The following UBAP1 variants were observed in gnomAD, a reference collection of about 807,000 sequenced individuals.
UBAP1 encodes ubiquitin associated protein 1, also known as ubiquitin-associated protein 1.
In UBAP1, 5 loss-of-function variants were observed where a neutral mutation model predicts 39.0. The ratio of observed to expected loss-of-function variants is 0.13; its 90% CI spans 0.07 to 0.27. The LOEUF is 0.27. Among genes scored for constraint, UBAP1 ranks in the 10% least tolerant of loss-of-function variants. The pLI is 1.00. For synonymous variants in UBAP1, 211 were observed against 225.1 expected (o/e 0.94, Z 0.56); for missense variants, 490 against 608.1 (o/e 0.81, Z 2.04).
At chr9:34,214,638 G>A (rs1215371087) in intron 1 of UBAP1, among the ~76,000 whole-genome samples, 1 of 152,136 alleles carries the variant, frequency 6.6e-6, no homozygotes, top group Non-Finnish European at 1.5e-5. Flanking sequence ...AAGATAAATA[G>A]CTGGGACCCA....
chr9:34,238,005 T>A (rs1037020760), intron 3 of UBAP1, among the ~76,000 whole-genome samples: 1 of 152,188 alleles, frequency 6.6e-6, no homozygotes, highest in Non-Finnish European at 1.5e-5. Context: ...TAGAAGTCAC[T>A]CCCCACAGCC....
intron 1 of UBAP1, among the ~76,000 whole-genome samples, chr9:34,195,335 T>G (rs1259341670): frequency 6.6e-6 from 1 of 152,102 alleles, no homozygotes; most frequent in Non-Finnish European, 1.5e-5. Flanking sequence ...TCATTTTGAA[T>G]TAATTATATA....
At position 34,241,720 on chromosome 9, in the gene UBAP1, A is replaced by G. The variant is rs1480809701; in HGVS notation, c.695A>G (p.Asn232Ser). Residue 232 changes from asparagine (N) to serine (S), a missense_variant, in exon 4 of 7, where the codon AAT becomes AGT. Asn to Ser is a conservative substitution (Grantham distance 46). Transcript: ENST00000297661. ...GATTTCAAGCCTCTTCATAAACCCA[A>G]TGGCTTTATAACCTTACCACAGTTG... ...TLDFKPLHKP[N>S]GFITLPQLGN... The G allele has an allele frequency of 5.0e-6, 8 of 1,613,828 alleles. No individual in the cohort carries two copies. The highest frequency in any genetic ancestry group is 1.7e-5 in the Admixed American group (1 of 59,966).
intron 1 of UBAP1, among the ~76,000 whole-genome samples, chr9:34,214,811 G>A (rs1832207659): frequency 6.6e-6 from 1 of 152,034 alleles, no homozygotes; most frequent in African/African-American, 2.4e-5. Flanking sequence ...ATCAAAAAGT[G>A]GGCTAAGGAC....
intron 2 of UBAP1, among the ~76,000 whole-genome samples, chr9:34,230,328 T>A (rs2131599955): frequency 6.6e-6 from 1 of 152,328 alleles, no homozygotes; most frequent in South Asian, 2.1e-4. Flanking sequence ...CCTCTCAAAT[T>A]GCTGGGATTA....
intron 1 of UBAP1, among the ~76,000 whole-genome samples, chr9:34,207,287 C>G (rs1485269212): frequency 6.6e-6 from 1 of 151,112 alleles, no homozygotes; most frequent in Non-Finnish European, 1.5e-5. Flanking sequence ...CTTAGGTGAT[C>G]TACCCACCTC....
chr9:34,244,383 T>C (rs1482734486), intron 4 of UBAP1, among the ~76,000 whole-genome samples: 1 of 137,508 alleles, frequency 7.3e-6, no homozygotes, highest in Non-Finnish European at 1.5e-5. Flanking sequence ...TCTCATTCTT[T>C]TTCATGGCTG....
At chr9:34,238,579 G>T (rs565817254) in intron 3 of UBAP1, among the ~76,000 whole-genome samples, 1 of 152,196 alleles carries the variant, frequency 6.6e-6, no homozygotes, top group Non-Finnish European at 1.5e-5. Context: ...TCTCATTGTG[G>T]TTTTTATTTG....
chr9:34,221,533 A>G (rs1348124976), intron 2 of UBAP1, among the ~76,000 whole-genome samples: 1 of 151,446 alleles, frequency 6.6e-6, no homozygotes, highest in Non-Finnish European at 1.5e-5. Flanking sequence ...CCATTAAAAA[A>G]AAAAAAAAAA....
intron 1 of UBAP1, among the ~76,000 whole-genome samples, chr9:34,207,712 C>G (rs527933621): frequency 2.0e-5 from 3 of 150,548 alleles, no homozygotes; most frequent in Admixed American, 2.0e-4. Flanking sequence ...AGGCTGGACT[C>G]GAACTCCTGG....
At chr9:34,224,165 G>T in intron 2 of UBAP1, 2 of 580,398 alleles carry the variant, frequency 3.4e-6, no homozygotes, top group Non-Finnish European at 3.0e-6. Flanking sequence ...TCCTTTCATC[G>T]ATTTCTTCTG....
intron 2 of UBAP1, among the ~76,000 whole-genome samples, chr9:34,223,812 TTC>T (rs1170444036): frequency 6.6e-6 from 1 of 152,206 alleles, no homozygotes; most frequent in Non-Finnish European, 1.5e-5. Flanking sequence ...GAGAAAAATT[TTC>T]TTTCTCCCTT....
chr9:34,192,939 A>T (rs1453298130), intron 1 of UBAP1, among the ~76,000 whole-genome samples: 1 of 152,214 alleles, frequency 6.6e-6, no homozygotes, highest in African/African-American at 2.4e-5. Context: ...AAAGGGTTTT[A>T]AAATAGTAAT....
At chr9:34,251,294 T>G in intron 6 of UBAP1, 98 bp from the exon 7 acceptor site, 1 of 1,302,184 alleles carries the variant, frequency 7.7e-7, no homozygotes, top group Non-Finnish European at 1.1e-6. Flanking sequence ...GTAGACATTC[T>G]GCTCTCCCCC....
At chr9:34,186,225 A>C (rs1563883912) in intron 1 of UBAP1, among the ~76,000 whole-genome samples, 2 of 152,236 alleles carry the variant, frequency 1.3e-5, no homozygotes, top group Non-Finnish European at 1.5e-5. Flanking sequence ...GGAGGAAATG[A>C]ATACCTGATT....
intron 4 of UBAP1, among the ~76,000 whole-genome samples, chr9:34,245,774 A>C (rs993728571): frequency 9.2e-5 from 11 of 120,130 alleles, no homozygotes; most frequent in African/African-American, 3.6e-4. Flanking sequence ...AGGGATCCTA[A>C]TGGGCTGATA....
chr9:34,190,785 T>G (rs888192682), intron 1 of UBAP1, among the ~76,000 whole-genome samples: 1 of 149,364 alleles, frequency 6.7e-6, no homozygotes, highest in African/African-American at 2.5e-5. Context: ...TGCAGGCTCA[T>G]GCCACCATGC....
chr9:34,200,916 T>C (rs552697826), intron 1 of UBAP1, among the ~76,000 whole-genome samples: 1 of 152,206 alleles, frequency 6.6e-6, no homozygotes, highest in Non-Finnish European at 1.5e-5. Flanking sequence ...TAAGTGATTT[T>C]ATTTTTTTTT....
At chr9:34,229,553 G>A (rs1833299103) in intron 2 of UBAP1, among the ~76,000 whole-genome samples, 1 of 149,934 alleles carries the variant, frequency 6.7e-6, no homozygotes, top group Non-Finnish European at 1.5e-5. Context: ...ACTGTACTCG[G>A]CCTGACATGG....
Sources: allele counts gnomAD v4.1 joint callset (sites outside exome capture counted in the v4.1 genomes callset), GRCh38; gene constraint gnomAD v4.1.1; transcripts MANE v1.5; gene names NCBI Gene and HGNC (gene_info 2026-07-23, HGNC 2026-07-21).